ECM2: variants seen among roughly 807,000 people sequenced by gnomAD.
ECM2 encodes the protein extracellular matrix protein 2, female organ and adipocyte specific.
A neutral mutation model predicts 67.5 loss-of-function variants in ECM2; 57 were observed. That is an observed-to-expected ratio of 0.84 (90% CI 0.68 to 1.05). The LOEUF (loss-of-function observed/expected upper bound fraction) is 1.05. ECM2 is among the 50% of genes least tolerant of loss of function. The pLI, the probability that ECM2 is intolerant of heterozygous loss-of-function variation, is 0.00. For synonymous variants in ECM2, 258 were observed against 294.5 expected, an observed-to-expected ratio of 0.88 and a Z score of 1.27; for missense variants, 741 against 822.8, an observed-to-expected ratio of 0.90 and a Z score of 1.22.
chr9:92,500,638 C>T (rs1013776164), intron 9 of ECM2, 89 bp downstream of exon 9: 13 of 1,342,732 alleles, frequency 9.7e-6, no homozygotes, highest in Admixed American at 4.5e-5. Flanking sequence ...TTTCCCTTAA[C>T]GTAAATCCCA....
chr9:92,534,911 C>G (rs911091859), intron 1 of ECM2, among the ~76,000 whole-genome samples: 2 of 152,110 alleles, frequency 1.3e-5, no homozygotes, highest in Non-Finnish European at 2.9e-5. Context: ...GCCTAGACCT[C>G]GAGGCTCTAG....
At chr9:92,534,632 A>G (rs1266902506) in intron 1 of ECM2, among the ~76,000 whole-genome samples, 1 of 152,210 alleles carries the variant, frequency 6.6e-6, no homozygotes, top group East Asian at 1.9e-4. Flanking sequence ...AGAAGGACCA[A>G]ATCCATTAGC....
chr9:92,503,266 C>T (rs1846797872), intron 7 of ECM2, among the ~76,000 whole-genome samples: 2 of 152,238 alleles, frequency 1.3e-5, no homozygotes, highest in South Asian at 4.1e-4. Flanking sequence ...CTCATTTGGG[C>T]TTAAAAACTC....
chr9:92,544,378 A>G, the ECM2 span, among the ~76,000 whole-genome samples: 1 of 152,204 alleles, frequency 6.6e-6, no homozygotes. Flanking sequence ...TGGGAGGCTG[A>G]GGCACGAGAA....
At chr9:92,494,215 A>G (rs1846252635), downstream of ECM2, 2 of 1,526,994 alleles carry the variant, frequency 1.3e-6, no homozygotes, top group Non-Finnish European at 1.8e-6. Context: ...TGTCATCCCA[A>G]GATGCTAGTT....
intron 1 of ECM2, among the ~76,000 whole-genome samples, chr9:92,532,811 T>C (rs1250382247): frequency 1.3e-5 from 2 of 152,204 alleles, no homozygotes; most frequent in Admixed American, 6.5e-5. Context: ...TATGTGTCTA[T>C]TTCGGTTGTC....
chr9:92,500,314 C>T (rs966733919), intron 9 of ECM2, among the ~76,000 whole-genome samples: 1 of 152,162 alleles, frequency 6.6e-6, no homozygotes, highest in Non-Finnish European at 1.5e-5. Context: ...TCCTGAGTAG[C>T]TGGCATTACA....
upstream of ECM2, chr9:92,536,470 C>T (rs145412133): frequency 4.8e-4 from 60 of 124,262 alleles, no homozygotes; most frequent in African/African-American, 1.8e-3. Context: ...ACCTCGATCT[C>T]ACACACAATA....
intron 2 of ECM2, 88 bp downstream of exon 2, chr9:92,522,487 C>T (rs2131244375): frequency 8.7e-7 from 1 of 1,149,798 alleles, no homozygotes; most frequent in Non-Finnish European, 1.2e-6. Context: ...TGGAGATGTT[C>T]TCCCTCTCTC....
chr9:92,528,063 A>T (rs1357888166), intron 1 of ECM2: 1 of 152,650 alleles, frequency 6.6e-6, no homozygotes, highest in African/African-American at 2.4e-5. Flanking sequence ...CTAGAGAATC[A>T]TTCAGCCATT....
chr9:92,544,510 G>A, the ECM2 span, among the ~76,000 whole-genome samples: 1 of 149,312 alleles, frequency 6.7e-6, no homozygotes, highest in East Asian at 2.0e-4. Flanking sequence ...TTTATGTTGA[G>A]GTACATTCTT....
At chr9:92,551,847 G>GTA in the ECM2 span, among the ~76,000 whole-genome samples, 13 of 148,596 alleles carry the variant, frequency 8.7e-5, no homozygotes, top group South Asian at 4.3e-4. Flanking sequence ...CATGGTGTGT[G>GTA]TATATATATA....
rs188568130 is a variant in ECM2, at chr9:92,529,328, G to A, written c.-27-6435C>T. On this transcript the variant is annotated intron_variant, in intron 1 of 9. Transcript: ENST00000344604. ...CACCCAGTGCTGGTGAGTGTGTGGA[G>A]CAACTGTAAGTCTCATTCGGTGCTG... 5.3e-4 allele frequency among the ~76,000 whole-genome samples: 80 copies of A among 152,310 alleles called. No individual in the cohort carries two copies. In the East Asian group the frequency reaches 0.012, roughly 22 times the overall value.
intron 5 of ECM2, among the ~76,000 whole-genome samples, chr9:92,511,713 G>A (rs1466811484): frequency 6.6e-6 from 1 of 152,144 alleles, no homozygotes; most frequent in Admixed American, 6.5e-5. Flanking sequence ...GATGCTAAAA[G>A]ACCAGATTTT....
At chr9:92,535,893 C>T (rs1376588570) in intron 1 of ECM2, 40 bp downstream of exon 1, 1 of 446,624 alleles carries the variant, frequency 2.2e-6, no homozygotes, top group Non-Finnish European at 4.2e-6. Context: ...AAAACCATTC[C>T]ACATGCTAAG....
chr9:92,537,977 T>A (rs539802945), upstream of ECM2, among the ~76,000 whole-genome samples: 26 of 152,108 alleles, frequency 1.7e-4, 1 homozygote, highest in African/African-American at 5.8e-4. Flanking sequence ...GGGAAAAAAA[T>A]GTTGATGATA....
chr9:92,520,208 A>G (rs554204613), intron 2 of ECM2, among the ~76,000 whole-genome samples: 1 of 151,404 alleles, frequency 6.6e-6, no homozygotes, highest in Non-Finnish European at 1.5e-5. Context: ...ACTGAAGCCC[A>G]GGAGTTCAAG....
intron 4 of ECM2, among the ~76,000 whole-genome samples, chr9:92,513,140 C>T (rs1847460788): frequency 6.6e-6 from 1 of 152,196 alleles, no homozygotes; most frequent in African/African-American, 2.4e-5. Flanking sequence ...AATGCTCCTG[C>T]TGCTCCCAGC....
chr9:92,519,564 A>G (rs985578356), intron 2 of ECM2, among the ~76,000 whole-genome samples: 10 of 152,250 alleles, frequency 6.6e-5, no homozygotes, highest in African/African-American at 2.4e-4. Flanking sequence ...TGGAGGAAAG[A>G]ACAATCTTCA....
Sources: gnomAD v4.1 joint callset for allele counts (sites outside exome capture counted in the v4.1 genomes callset) on GRCh38, gnomAD v4.1.1 for gene constraint, MANE v1.5 for transcripts, NCBI Gene and HGNC (gene_info 2026-07-23, HGNC 2026-07-21) for gene names.